Variants in CATSPERD observed in about 807,000 individuals in gnomAD.
The protein encoded by CATSPERD is catsper channel auxiliary subunit delta.
In CATSPERD, 86 loss-of-function variants were observed where a neutral mutation model predicts 98.1. That is an observed-to-expected ratio of 0.88 (90% CI 0.74 to 1.05). The LOEUF (loss-of-function observed/expected upper bound fraction) is 1.05, where lower values mean the gene tolerates loss of function less well. CATSPERD is among the 50% of genes least tolerant of loss of function. The probability of loss-of-function intolerance (pLI) is 0.00; values close to 1 mark genes in which losing one functional copy is unlikely to be tolerated. For synonymous variants in CATSPERD, 394 were observed against 390.2 expected (o/e 1.01, Z -0.12); for missense variants, 995 against 1,005.7 (o/e 0.99, Z 0.14).
intron 11 of CATSPERD, among the ~76,000 whole-genome samples, chr19:5,750,231 G>A (rs933921540): frequency 1.7e-4 from 26 of 148,948 alleles, no homozygotes; most frequent in Non-Finnish European, 2.8e-4. Context: ...GGCGGATCAC[G>A]AGTTCAGGAG....
intron 4 of CATSPERD, among the ~76,000 whole-genome samples, chr19:5,731,428 A>C (rs544183815): frequency 2.6e-5 from 4 of 152,216 alleles, no homozygotes; most frequent in Non-Finnish European, 5.9e-5. Flanking sequence ...TAGAGGTTGC[A>C]GTGAGCTATG....
chr19:5,776,877 CA>C (rs35462774), intron 21 of CATSPERD, among the ~76,000 whole-genome samples: 3,296 of 119,402 alleles, frequency 0.028, 114 homozygotes, highest in African/African-American at 0.089. Context: ...GACTCCATCT[CA>C]AAAAAAAAAA....
intron 17 of CATSPERD, 144 bp from the exon 18 acceptor site, chr19:5,768,024 C>T (rs1157267073): frequency 1.9e-6 from 1 of 536,806 alleles, no homozygotes; most frequent in Admixed American, 2.7e-5. Flanking sequence ...TCTCCAACTC[C>T]TGACCTCAGG....
intron 3 of CATSPERD, among the ~76,000 whole-genome samples, chr19:5,729,196 G>C (rs946722674): frequency 2.7e-5 from 4 of 150,614 alleles, no homozygotes; most frequent in East Asian, 2.0e-4. Context: ...CCCAGGTTCA[G>C]GCGATTCTCC....
chr19:5,773,728 G>T (rs2056691719), intron 20 of CATSPERD, among the ~76,000 whole-genome samples: 1 of 143,712 alleles, frequency 7.0e-6, no homozygotes, highest in South Asian at 2.2e-4. Flanking sequence ...CAGGGCTTCA[G>T]TATGTTACAC....
At chr19:5,732,540 C>T (rs547643322) in intron 4 of CATSPERD, among the ~76,000 whole-genome samples, 1 of 152,058 alleles carries the variant, frequency 6.6e-6, no homozygotes, top group African/African-American at 2.4e-5. Context: ...TCACACCATT[C>T]TCCTCCCTCA....
intron 9 of CATSPERD, among the ~76,000 whole-genome samples, chr19:5,746,925 C>T (rs1326215279): frequency 6.6e-6 from 1 of 152,050 alleles, no homozygotes; most frequent in Admixed American, 6.6e-5. Context: ...TCACTGCAGC[C>T]TCCACCTTCC....
In CATSPERD at chr19:5,776,233, G is replaced by A. The variant is rs933032632; in HGVS notation, c.2014G>A (p.Gly672Ser). The stretch of plus-strand genomic sequence containing the variant: ...GCCAGACGTCCAGTATCAGATCTTG[G>A]GCGGCCGGACAGCAAACCAGATCAT... Reference protein sequence around the residue: ...RWPDVQYQILGGRTANQIIFG... With the variant: ...RWPDVQYQILSGRTANQIIFG... The change falls in exon 21 of 22, where the codon GGC (glycine) becomes AGC (serine). Residue 672 changes from glycine to serine, a missense_variant. This residue lies in a region of CATSPERD where 762 missense variants were observed against 773.7 expected (regional missense o/e 0.98). Coordinates refer to ENST00000381624, the MANE Select transcript of CATSPERD (RefSeq NM_152784.4). 2 of 1,614,048 alleles carry A rather than the reference G, an allele frequency of 1.2e-6. No homozygotes were observed. Among genetic ancestry groups the A allele is most frequent in the African/African-American group, 2.7e-5 (2 of 74,926 alleles).
chr19:5,725,515 T>A (rs537703074), intron 2 of CATSPERD, among the ~76,000 whole-genome samples: 1 of 152,114 alleles, frequency 6.6e-6, no homozygotes, highest in African/African-American at 2.4e-5. Flanking sequence ...GTTTACCTCA[T>A]GTAATGTCAC....
chr19:5,751,195 C>A (rs1312309768), intron 11 of CATSPERD, among the ~76,000 whole-genome samples: 8 of 49,178 alleles, frequency 1.6e-4, no homozygotes, highest in South Asian at 9.2e-4. Flanking sequence ...AAGATTCCGT[C>A]TCAAAAAAAA....
chr19:5,738,395 G>A (rs1040589447), intron 6 of CATSPERD, among the ~76,000 whole-genome samples: 1 of 151,338 alleles, frequency 6.6e-6, no homozygotes, highest in African/African-American at 2.4e-5. Context: ...AGCTAGATAT[G>A]GTGGTGAGCA....
intron 19 of CATSPERD, among the ~76,000 whole-genome samples, chr19:5,771,817 C>T (rs567319093): frequency 6.6e-6 from 1 of 152,256 alleles, no homozygotes; most frequent in East Asian, 1.9e-4. Context: ...GATCCACCTG[C>T]CTCAGCTTTC....
At chr19:5,772,257 T>G in intron 19 of CATSPERD, 1 of 219,844 alleles carries the variant, frequency 4.5e-6, no homozygotes, top group Non-Finnish European at 8.6e-6. Flanking sequence ...AGACAGAGTC[T>G]CGCTCTGTCG....
chr19:5,744,725 C>T (rs539933498), intron 8 of CATSPERD, among the ~76,000 whole-genome samples: 18 of 151,802 alleles, frequency 1.2e-4, no homozygotes, highest in East Asian at 3.9e-4. Flanking sequence ...CTCAGCCTCC[C>T]GAGTAGCTGG....
At chr19:5,741,574 G>C (rs1194727106) in intron 7 of CATSPERD, among the ~76,000 whole-genome samples, 1 of 151,924 alleles carries the variant, frequency 6.6e-6, no homozygotes, top group Admixed American at 6.6e-5. Flanking sequence ...ACCATACATT[G>C]ATAGTACATT....
intron 19 of CATSPERD, 62 bp from the exon 20 acceptor site, chr19:5,772,726 G>T: frequency 6.5e-7 from 1 of 1,541,704 alleles, no homozygotes; most frequent in Non-Finnish European, 8.8e-7. Flanking sequence ...GGTGGCTGTG[G>T]CCCGGGTCTT....
rs545922583 is a variant in CATSPERD, at chr19:5,772,373, G to A, written c.1764-415G>A. 9 of 248,886 alleles carry A rather than the reference G, an allele frequency of 3.6e-5. No homozygotes were observed. In the East Asian group the frequency reaches 5.8e-4, roughly 16 times the overall value. 15.4% of individuals were successfully genotyped at this position (248,886 alleles called of 1,614,324 possible). A position where few individuals can be genotyped will look rare whatever the true frequency, so the allele number is the denominator to read the frequency against. On this transcript the variant is annotated intron_variant, in intron 19 of 21. Coordinates refer to ENST00000381624, the MANE Select transcript of CATSPERD (RefSeq NM_152784.4). ...CTCCCGAGTAGCTGGGATTACAGGC[G>A]CCCGCCACTGCGCCCGGCTAATTTT...
In CATSPERD at chr19:5,748,167, C is replaced by G. The variant is rs77442187; in HGVS notation, c.816C>G (p.Leu272=). 0.02 allele frequency: 31,623 copies of G among 1,613,514 alleles called. 372 individuals are homozygous for G. Among genetic ancestry groups the G allele is most frequent in the East Asian group, 0.029 (1,319 of 44,846 alleles). ...SLLFSHNAGQ[L]VDTVRVKKGD... is the part of the protein sequence containing the mutation. ...TGTCCTGTTACCTCCTAGGTCAGCT[C>G]GTCGACACCGTCCGGGTGAAAAAAG... Residue 272 remains leucine (L), a synonymous_variant, in exon 10 of 22, where the codon CTC becomes CTG. Transcript: ENST00000381624.
Position 5,771,008 on chromosome 19 carries a change from T to C in CATSPERD, c.1699T>C (p.Tyr567His). The C allele has an allele frequency of 6.2e-7, 1 of 1,614,056 alleles. No individual in the cohort carries two copies. Among genetic ancestry groups the C allele is most frequent in the Non-Finnish European group, 8.5e-7 (1 of 1,179,978 alleles). Reference sequence around the variant, plus strand: ...CGAGGACCTGCACGTGTTTTACTCCTACCAGCAGCTGGGCTGTCCTCTCCT... The same window carrying C: ...CGAGGACCTGCACGTGTTTTACTCCCACCAGCAGCTGGGCTGTCCTCTCCT... ...SSEDLHVFYSYQQLGCPLLVY... is the reference protein window; with the variant it reads ...SSEDLHVFYSHQQLGCPLLVY... The change falls in exon 19 of 22, where the codon TAC becomes CAC. Residue 567 changes from tyrosine (Y) to histidine (H), a missense_variant. This residue lies in a region of CATSPERD where 762 missense variants were observed against 773.7 expected (regional missense o/e 0.98). Transcript: ENST00000381624.
Sources: allele counts gnomAD v4.1 joint callset (sites outside exome capture counted in the v4.1 genomes callset), GRCh38; gene constraint gnomAD v4.1.1; regional missense constraint gnomAD v4.1.1; transcripts MANE v1.5; gene names NCBI Gene and HGNC (gene_info 2026-07-23, HGNC 2026-07-21).